Variants in PCBP4 observed in about 807,000 individuals in gnomAD.
PCBP4 encodes poly(rC) binding protein 4, also known as poly(rC)-binding protein 4.
Under a neutral mutation model 46.2 loss-of-function variants are expected in PCBP4, and 24 were observed. The observed-to-expected ratio is 0.52, with a 90% CI of 0.38 to 0.73. PCBP4 has a LOEUF of 0.73. PCBP4 is among the 30% of genes least tolerant of loss of function. The pLI is 0.00. For synonymous variants in PCBP4, 203 were observed against 224.4 expected, an observed-to-expected ratio of 0.90 and a Z score of 0.85; for missense variants, 407 against 537.0, an observed-to-expected ratio of 0.76 and a Z score of 2.39.
In PCBP4 at chr3:51,958,437, GA is replaced by G; in HGVS notation, c.924-89del. On this transcript the variant is annotated intron_variant, in intron 13 of 13. Coordinates refer to ENST00000461554, the MANE Select transcript of PCBP4 (RefSeq NM_001174100.2). The surrounding 1 kb of genome is among the most constrained non-coding windows in gnomAD (Gnocchi z 5.4). ...GGCAGAGATGGGCATGAGATTAGAT[GA>G]AAGGCAAGAGAGAGGTAGTGAACAG... The G allele has an allele frequency of 1.1e-6, 1 of 904,610 alleles. No individual in the cohort carries two copies. Among genetic ancestry groups the G allele is most frequent in the Non-Finnish European group, 1.6e-6 (1 of 623,988 alleles). The allele number at this position is 904,610 out of a possible 1,614,324, so 56.0% of individuals were successfully genotyped here.
Position 51,960,984 on chromosome 3 carries a change from T to C in PCBP4, c.105+26A>G. 1 of 1,614,152 alleles carries C rather than the reference T, an allele frequency of 6.2e-7. No homozygotes were observed. The highest frequency in any genetic ancestry group is 8.5e-7 in the Non-Finnish European group (1 of 1,179,994). ...GGCTGAAGCCTCAGCTGGAGGGGGA[T>C]GTACAGAGCAGAGCTAGGCACCTAC... On this transcript the variant is annotated intron_variant, in intron 4 of 13. Coordinates refer to ENST00000461554, the MANE Select transcript of PCBP4 (RefSeq NM_001174100.2). The surrounding 1 kb of genome is among the most constrained non-coding windows in gnomAD (Gnocchi z 5.0).
intron 1 of PCBP4, among the ~76,000 whole-genome samples, chr3:51,965,350 C>T (rs539727046): frequency 1.6e-4 from 25 of 152,346 alleles, no homozygotes; most frequent in Admixed American, 7.8e-4. Flanking sequence ...TCCAGCCCTT[C>T]GGGCCTTTCT....
rs1699918804 is a variant in PCBP4, at chr3:51,958,224, T to C, written c.1049A>G (p.Tyr350Cys). Residue 350 changes from tyrosine to cysteine, a missense_variant, in exon 14 of 14, where the codon TAT becomes TGT. Tyr to Cys is a radical substitution (Grantham distance 194, BLOSUM62 -2). Coordinates refer to ENST00000461554, the MANE Select transcript of PCBP4 (RefSeq NM_001174100.2). This position sits in a 1 kb window ranked among gnomAD's most constrained non-coding sequence, Gnocchi z 5.4. ...TAPPGLLGTP[Y>C]AISLSNFIGL... is the part of the protein sequence containing the mutation. ...GATGAAGTTGGAGAGGGAGATGGCATAGGGTGTGCCCAGCAGGCCAGGGGG... is the reference window on the plus strand; with the variant it reads ...GATGAAGTTGGAGAGGGAGATGGCACAGGGTGTGCCCAGCAGGCCAGGGGG... The C allele has an allele frequency of 1.9e-6, 3 of 1,611,620 alleles. No homozygotes were observed. The highest frequency in any genetic ancestry group is 1.7e-4 in the Middle Eastern group (1 of 6,050).
intron 1 of PCBP4, among the ~76,000 whole-genome samples, chr3:51,963,821 T>C (rs920183834): frequency 1.3e-5 from 2 of 152,170 alleles, no homozygotes; most frequent in South Asian, 2.1e-4. Context: ...TTCCCATCTT[T>C]AGGCAAGAAC....
At chr3:51,966,322 T>G (rs1184475319) in intron 1 of PCBP4, among the ~76,000 whole-genome samples, 1 of 152,002 alleles carries the variant, frequency 6.6e-6, no homozygotes, top group Non-Finnish European at 1.5e-5. Context: ...AGCCTGAGCC[T>G]GCATGCTGAT....
At chr3:51,965,953 T>C (rs534627711) in intron 1 of PCBP4, among the ~76,000 whole-genome samples, 4 of 151,696 alleles carry the variant, frequency 2.6e-5, no homozygotes, top group Non-Finnish European at 2.9e-5. Flanking sequence ...CAGAGTCGAG[T>C]TGGGCTCAGC....
At position 51,959,655 on chromosome 3, in the gene PCBP4, G is replaced by A; in HGVS notation, c.517-4C>T. On this transcript the variant is annotated splice_polypyrimidine_tract_variant and splice_region_variant and intron_variant, in intron 8 of 13. Transcript: ENST00000461554. The surrounding 1 kb of genome is among the most constrained non-coding windows in gnomAD (Gnocchi z 5.6). ...TAGTGGCTCCTTTGGGTGGGGACTG[G>A]AAGGCATAAACAGGGCTCTGTCAGG... The A allele has an allele frequency of 6.4e-6, 10 of 1,551,522 alleles. No homozygotes were observed. Among genetic ancestry groups the A allele is most frequent in the Non-Finnish European group, 8.7e-6 (10 of 1,146,764 alleles).
chr3:51,964,711 C>T (rs1700335899), intron 1 of PCBP4, among the ~76,000 whole-genome samples: 1 of 152,234 alleles, frequency 6.6e-6, no homozygotes, highest in Admixed American at 6.5e-5. Context: ...CCTGCCCAAT[C>T]CCTTCTCTGG....
Position 51,958,369 on chromosome 3 carries a change from G to A in PCBP4, c.924-20C>T, listed in dbSNP as rs1374424146. On this transcript the variant is annotated intron_variant, in intron 13 of 13. Transcript: ENST00000461554. This position sits in a 1 kb window ranked among gnomAD's most constrained non-coding sequence, Gnocchi z 5.4. The stretch of plus-strand genomic sequence containing the variant: ...TCTAGACTGGAGAGAGGGATATAGA[G>A]GGGAGACAAAGGGGAAAGTGGGAGT... The A allele has an allele frequency of 4.1e-6, 6 of 1,455,776 alleles. No homozygotes were observed. In the African/African-American group the frequency reaches 8.6e-5, roughly 21 times the overall value. 90.2% of individuals were successfully genotyped at this position (1,455,776 alleles called of 1,614,324 possible).
chr3:51,959,031 C>A lies in PCBP4; in HGVS notation c.753+16G>T. Reference sequence around the variant, plus strand: ...GACCCCCTACCCACCCTCCAGCCATCCCATCCCCTGCTCACATCGTTGGGA... The same window carrying A: ...GACCCCCTACCCACCCTCCAGCCATACCATCCCCTGCTCACATCGTTGGGA... On this transcript the variant is annotated intron_variant, in intron 12 of 13. Coordinates refer to ENST00000461554, the MANE Select transcript of PCBP4 (RefSeq NM_001174100.2). This position sits in a 1 kb window ranked among gnomAD's most constrained non-coding sequence, Gnocchi z 5.6. 3.1e-6 allele frequency: 5 copies of A among 1,613,536 alleles called. No homozygotes were observed. Among genetic ancestry groups the A allele is most frequent in the Non-Finnish European group, 3.4e-6 (4 of 1,179,642 alleles).
intron 1 of PCBP4, among the ~76,000 whole-genome samples, chr3:51,965,674 G>A (rs1330065893): frequency 2.0e-5 from 3 of 152,196 alleles, no homozygotes; most frequent in African/African-American, 7.2e-5. Flanking sequence ...GAGGGTCCCG[G>A]AGGAGTAATG....
chr3:51,966,408 G>T (rs1000931956), intron 1 of PCBP4, among the ~76,000 whole-genome samples: 1 of 152,136 alleles, frequency 6.6e-6, no homozygotes, highest in Non-Finnish European at 1.5e-5. Flanking sequence ...AAGACCAGGG[G>T]ATTTTTTCAG....
At chr3:51,965,058 G>A (rs1169804942) in intron 1 of PCBP4, among the ~76,000 whole-genome samples, 1 of 152,198 alleles carries the variant, frequency 6.6e-6, no homozygotes, top group Non-Finnish European at 1.5e-5. Context: ...GTCAAGCCCG[G>A]GCCCAGGCTG....
chr3:51,959,823 G>A lies in PCBP4; in HGVS notation c.516+72C>T. On this transcript the variant is annotated intron_variant, in intron 8 of 13. Coordinates refer to ENST00000461554, the MANE Select transcript of PCBP4 (RefSeq NM_001174100.2). The surrounding 1 kb of genome is among the most constrained non-coding windows in gnomAD (Gnocchi z 5.6). ...TGCCCCACCTGCAGCACAGGCATAG[G>A]GTTTGGGGTCCCCGACAAGGCAGAC... 1.3e-6 allele frequency: 2 copies of A among 1,548,478 alleles called. No individual in the cohort carries two copies. The highest frequency in any genetic ancestry group is 1.4e-5 in the African/African-American group (1 of 73,164).
chr3:51,961,820 C>G (rs1489295011), intron 2 of PCBP4, 121 bp downstream of exon 2: 6 of 952,476 alleles, frequency 6.3e-6, no homozygotes, highest in Non-Finnish European at 7.5e-6. Context: ...GGGGAGGAAG[C>G]TGGAGCAGCC....
Position 51,958,929 on chromosome 3 carries a change from T to C in PCBP4, c.784A>G (p.Ser262Gly). 6.2e-7 allele frequency: 1 copy of C among 1,614,018 alleles called. No homozygotes were observed. The highest frequency in any genetic ancestry group is 1.1e-5 in the South Asian group (1 of 91,082). The change falls in exon 13 of 14, where the codon AGC (serine) becomes GGC (glycine). Residue 262 changes from serine (S) to glycine (G), a missense_variant. Ser to Gly is a moderately conservative substitution (Grantham distance 56). Coordinates refer to ENST00000461554, the MANE Select transcript of PCBP4 (RefSeq NM_001174100.2). The surrounding 1 kb of genome is among the most constrained non-coding windows in gnomAD (Gnocchi z 5.4). Reference sequence around the variant, plus strand: ...ATCTGCCGGATCTCGCTGATCTTGCTGCCCTGGCGCCCGATCACACAGCCA... The same window carrying C: ...ATCTGCCGGATCTCGCTGATCTTGCCGCCCTGGCGCCCGATCACACAGCCA... ...LIGCVIGRQG[S>G]KISEIRQMSG...
chr3:51,958,684 G>T lies in PCBP4; in HGVS notation c.923+106C>A. The T allele has an allele frequency of 7.7e-7, 1 of 1,294,314 alleles. No individual in the cohort carries two copies. The highest frequency in any genetic ancestry group is 1.1e-6 in the Non-Finnish European group (1 of 943,396). The allele number at this position is 1,294,314 out of a possible 1,614,324, so 80.2% of individuals were successfully genotyped here. ...AGTAGGGTTAGGAGAGGCAGAGGTC[G>T]GGCCCAGACAGAGAGAGGAGGCCAG... On this transcript the variant is annotated intron_variant, in intron 13 of 13. Transcript: ENST00000461554. This position sits in a 1 kb window ranked among gnomAD's most constrained non-coding sequence, Gnocchi z 5.4.
chr3:51,960,537 T>A lies in PCBP4; in HGVS notation c.244A>T (p.Lys82Ter). Reference sequence around the variant, plus strand: ...GGCCAGCCACGGACCTCATCCAGTTTGAAAGCAATCATGGAGACTGCATGG... The same window carrying A: ...GGCCAGCCACGGACCTCATCCAGTTAGAAAGCAATCATGGAGACTGCATGG... The part of the protein sequence containing the change: ...VFHAVSMIAF[K>*]LDEDLCAAPA... The change falls in exon 6 of 14, where the codon AAA (lysine) becomes TAA (stop). Residue 82 changes from lysine (K) to a stop codon, truncating the protein, a stop_gained. Coordinates refer to ENST00000461554, the MANE Select transcript of PCBP4 (RefSeq NM_001174100.2). LOFTEE classifies it high-confidence loss of function. This position sits in a 1 kb window ranked among gnomAD's most constrained non-coding sequence, Gnocchi z 5.0. 1 of 1,613,388 alleles carries A rather than the reference T, an allele frequency of 6.2e-7. No homozygotes were observed. Among genetic ancestry groups the A allele is most frequent in the Non-Finnish European group, 8.5e-7 (1 of 1,179,326 alleles).
Position 51,958,973 on chromosome 3 carries a change from A to T in PCBP4, c.754-14T>A, listed in dbSNP as rs755592518. ...ACAGCCAATCAACTAGAGGGAAGGC[A>T]GAATTCAGCCCTGGGTGAGGTCCAG... On this transcript the variant is annotated splice_polypyrimidine_tract_variant and intron_variant, in intron 12 of 13. Coordinates refer to ENST00000461554, the MANE Select transcript of PCBP4 (RefSeq NM_001174100.2). This position sits in a 1 kb window ranked among gnomAD's most constrained non-coding sequence, Gnocchi z 5.4. 6.2e-7 allele frequency: 1 copy of T among 1,613,980 alleles called. No individual in the cohort carries two copies. The highest frequency in any genetic ancestry group is 8.5e-7 in the Non-Finnish European group (1 of 1,179,910).
Sources: gnomAD v4.1 joint callset for allele counts (sites outside exome capture counted in the v4.1 genomes callset) on GRCh38, gnomAD v4.1.1 for gene constraint, Gnocchi (gnomAD v3.1) non-coding constraint, MANE v1.5 for transcripts, NCBI Gene and HGNC (gene_info 2026-07-23, HGNC 2026-07-21) for gene names.